SCHIP1: variants seen among roughly 807,000 people sequenced by gnomAD.
SCHIP1 encodes schwannomin interacting protein 1, also known as schwannomin-interacting protein 1.
A neutral mutation model predicts 29.7 loss-of-function variants in SCHIP1; 8 were observed. That is an observed-to-expected ratio of 0.27 (90% CI 0.16 to 0.49). SCHIP1 has a LOEUF of 0.49. Ranked by LOEUF, SCHIP1 falls within the 20% of genes least tolerant of loss-of-function variation. SCHIP1 has a pLI of 0.99. For missense variants in SCHIP1, 193 were observed against 294.6 expected (o/e 0.66, Z 2.52); for synonymous variants, 76 against 94.9 (o/e 0.80, Z 1.16).
At chr3:159,837,722 GAA>G, upstream of SCHIP1, among the ~76,000 whole-genome samples, 1 of 138,720 alleles carries the variant, frequency 7.2e-6, no homozygotes, top group African/African-American at 2.6e-5. Context: ...TCCCCCGCCC[GAA>G]AAAAAAAAAA....
chr3:159,531,577 G>A, the SCHIP1 span, among the ~76,000 whole-genome samples: 1 of 152,186 alleles, frequency 6.6e-6, no homozygotes, highest in African/African-American at 2.4e-5. Context: ...TGATGGGCCA[G>A]TGACTAAATG....
chr3:159,731,869 A>C, the SCHIP1 span, among the ~76,000 whole-genome samples: 1 of 151,768 alleles, frequency 6.6e-6, no homozygotes, highest in Non-Finnish European at 1.5e-5. Flanking sequence ...CTTATCCAGG[A>C]ATTTTTTTTT....
the SCHIP1 span, among the ~76,000 whole-genome samples, chr3:159,553,118 A>T: frequency 6.6e-6 from 1 of 152,168 alleles, no homozygotes; most frequent in African/African-American, 2.4e-5. Context: ...CTTTCTAATC[A>T]GGCAATATTT....
the SCHIP1 span, among the ~76,000 whole-genome samples, chr3:159,313,850 G>A: frequency 1.3e-5 from 2 of 152,036 alleles, no homozygotes; most frequent in Non-Finnish European, 2.9e-5. Flanking sequence ...TAACTCCTTT[G>A]AAGAATACTA....
the SCHIP1 span, among the ~76,000 whole-genome samples, chr3:159,344,208 C>T: frequency 6.6e-6 from 1 of 151,644 alleles, no homozygotes; most frequent in African/African-American, 2.4e-5. Flanking sequence ...GTAATCCCAG[C>T]TACTCAGAAG....
At chr3:159,876,282 G>T (rs534564864) in intron 2 of SCHIP1, among the ~76,000 whole-genome samples, 4 of 152,134 alleles carry the variant, frequency 2.6e-5, no homozygotes, top group Non-Finnish European at 5.9e-5. Context: ...AACATGTTTC[G>T]GGTCTGTTCA....
chr3:159,787,884 C>T, the SCHIP1 span, among the ~76,000 whole-genome samples: 1 of 152,118 alleles, frequency 6.6e-6, no homozygotes, highest in Non-Finnish European at 1.5e-5. Context: ...TCATCTGAGC[C>T]TGAATCCTAT....
the SCHIP1 span, among the ~76,000 whole-genome samples, chr3:159,562,823 C>CT: frequency 1.3e-4 from 19 of 151,588 alleles, no homozygotes; most frequent in East Asian, 2.3e-3. Context: ...GCAATTTTTA[C>CT]TTTTTTTTTC....
At chr3:159,525,511 C>G in the SCHIP1 span, among the ~76,000 whole-genome samples, 1 of 152,198 alleles carries the variant, frequency 6.6e-6, no homozygotes, top group African/African-American at 2.4e-5. Context: ...TCATAGCAAA[C>G]ACATATCTAA....
chr3:159,633,507 T>A, the SCHIP1 span, among the ~76,000 whole-genome samples: 1 of 152,090 alleles, frequency 6.6e-6, no homozygotes, highest in Non-Finnish European at 1.5e-5. Flanking sequence ...CTAACAGCTT[T>A]CAGAGAAGAA....
At chr3:159,870,995 T>G (rs1399113687) in intron 2 of SCHIP1, among the ~76,000 whole-genome samples, 16 of 152,292 alleles carry the variant, frequency 1.1e-4, no homozygotes. Context: ...ATACTTTTTA[T>G]TTCCTCAGAT....
the SCHIP1 span, among the ~76,000 whole-genome samples, chr3:159,331,820 C>A: frequency 6.6e-6 from 1 of 152,170 alleles, no homozygotes; most frequent in Non-Finnish European, 1.5e-5. Context: ...AACTGAAAAT[C>A]TGACCATGTT....
At chr3:159,337,034 C>A in the SCHIP1 span, among the ~76,000 whole-genome samples, 64 of 152,198 alleles carry the variant, frequency 4.2e-4, no homozygotes, top group African/African-American at 1.5e-3. Flanking sequence ...AGATGCAAGG[C>A]TGGTTCAACA....
chr3:159,394,643 C>G, the SCHIP1 span, among the ~76,000 whole-genome samples: 2 of 151,936 alleles, frequency 1.3e-5, no homozygotes, highest in African/African-American at 2.4e-5. Context: ...ATTGAACCAG[C>G]CTTGCATCCC....
chr3:159,479,428 C>T, the SCHIP1 span, among the ~76,000 whole-genome samples: 1 of 152,154 alleles, frequency 6.6e-6, no homozygotes, highest in African/African-American at 2.4e-5. Context: ...CAACATGATT[C>T]TGTCTTCAGG....
chr3:159,443,463 G>A, the SCHIP1 span, among the ~76,000 whole-genome samples: 2 of 152,072 alleles, frequency 1.3e-5, no homozygotes, highest in Admixed American at 6.6e-5. Flanking sequence ...AGTCATTGTG[G>A]TAAAACTCTG....
At chr3:159,757,118 C>A in the SCHIP1 span, among the ~76,000 whole-genome samples, 13 of 152,212 alleles carry the variant, frequency 8.5e-5, no homozygotes, top group Non-Finnish European at 1.3e-4. Context: ...TTCAGTAGCA[C>A]CCCACTCTAC....
the SCHIP1 span, among the ~76,000 whole-genome samples, chr3:159,671,419 T>A: frequency 6.6e-6 from 1 of 152,178 alleles, no homozygotes; most frequent in East Asian, 1.9e-4. Context: ...GGTCCAGGTA[T>A]CTTCTGCTTT....
chr3:159,704,417 TAAAAAAAAAAAAAA>T, the SCHIP1 span, among the ~76,000 whole-genome samples: 8 of 92,620 alleles, frequency 8.6e-5, no homozygotes, highest in African/African-American at 2.5e-4. Context: ...CAATTTTTTC[TAAAAAAAAAAAAAA>T]AAAAAAAAAA....
Sources: allele counts gnomAD v4.1 joint callset (sites outside exome capture counted in the v4.1 genomes callset), GRCh38; gene constraint gnomAD v4.1.1; transcripts MANE v1.5; gene names NCBI Gene and HGNC (gene_info 2026-07-23, HGNC 2026-07-21).